SNTG1: variants seen among roughly 807,000 people sequenced by gnomAD.
SNTG1 encodes gamma-1-syntrophin.
Under a neutral mutation model 74.7 loss-of-function variants are expected in SNTG1, and 39 were observed. That is an observed-to-expected ratio of 0.52 (90% CI 0.40 to 0.68). The LOEUF is 0.68. SNTG1 is among the 30% of genes least tolerant of loss of function. The pLI, the probability that SNTG1 is intolerant of heterozygous loss-of-function variation, is 0.00. For missense variants in SNTG1, 685 were observed against 609.5 expected (o/e 1.12, Z -1.30); for synonymous variants, 254 against 217.1 (o/e 1.17, Z -1.49).
At chr8:50,376,744 TATATATATATATAGAG>T (rs1399353438) in intron 2 of SNTG1, among the ~76,000 whole-genome samples, 1 of 112,910 alleles carries the variant, frequency 8.9e-6, no homozygotes, top group Non-Finnish European at 1.9e-5. Context: ...TATATATATA[TATATATATATATAGAG>T]AGAGAGAGAG....
At chr8:50,244,890 A>G (rs1197493105) in intron 2 of SNTG1, among the ~76,000 whole-genome samples, 1 of 152,226 alleles carries the variant, frequency 6.6e-6, no homozygotes, top group Non-Finnish European at 1.5e-5. Flanking sequence ...AAGAGAGAAA[A>G]GGATAGATAG....
At chr8:50,193,839 T>C (rs2083666610) in intron 2 of SNTG1, among the ~76,000 whole-genome samples, 1 of 152,126 alleles carries the variant, frequency 6.6e-6, no homozygotes, top group South Asian at 2.1e-4. Context: ...CCTTAAGGTA[T>C]GTCCCTTGTA....
At chr8:50,140,054 C>T (rs182395309) in intron 1 of SNTG1, among the ~76,000 whole-genome samples, 2 of 152,236 alleles carry the variant, frequency 1.3e-5, no homozygotes, top group African/African-American at 2.4e-5. Context: ...TAAATGGCCG[C>T]GAAACTTGCA....
intron 10 of SNTG1, among the ~76,000 whole-genome samples, 159 bp from the exon 11 acceptor site, chr8:50,536,519 C>G (rs2094308247): frequency 6.6e-6 from 1 of 152,176 alleles, no homozygotes; most frequent in Non-Finnish European, 1.5e-5. Context: ...ACCAATACAA[C>G]TTTAGTGTCC....
At chr8:50,763,326 G>C (rs1184704053) in intron 18 of SNTG1, among the ~76,000 whole-genome samples, 1 of 151,884 alleles carries the variant, frequency 6.6e-6, no homozygotes, top group Non-Finnish European at 1.5e-5. Flanking sequence ...ATTTTAGAAA[G>C]GGGGTGTTTA....
intron 2 of SNTG1, among the ~76,000 whole-genome samples, chr8:50,246,968 T>C (rs2086429630): frequency 6.6e-6 from 1 of 152,194 alleles, no homozygotes; most frequent in African/African-American, 2.4e-5. Flanking sequence ...TGTTAAAGAT[T>C]TCCATTGAAA....
chr8:50,671,981 G>A (rs2095285611), intron 15 of SNTG1, among the ~76,000 whole-genome samples: 1 of 145,560 alleles, frequency 6.9e-6, no homozygotes, highest in African/African-American at 2.6e-5. Flanking sequence ...ACTCACAGAT[G>A]GGAATTGAAC....
At chr8:50,665,618 G>A (rs956841675) in intron 15 of SNTG1, among the ~76,000 whole-genome samples, 13 of 152,034 alleles carry the variant, frequency 8.6e-5, no homozygotes, top group Admixed American at 4.6e-4. Flanking sequence ...TCAAAGATGA[G>A]GCTAAGTCAT....
chr8:50,398,053 G>A (rs2092750640), intron 3 of SNTG1, among the ~76,000 whole-genome samples: 1 of 152,182 alleles, frequency 6.6e-6, no homozygotes, highest in African/African-American at 2.4e-5. Context: ...GCCCTGAAAT[G>A]GAGTTTATCC....
chr8:50,388,729 T>C (rs531602391), intron 2 of SNTG1, among the ~76,000 whole-genome samples: 1 of 152,334 alleles, frequency 6.6e-6, no homozygotes, highest in South Asian at 2.1e-4. Flanking sequence ...TCTGAGGCTG[T>C]TCAACTTATT....
At chr8:49,971,848 G>A (rs1811712335) in intron 1 of SNTG1, among the ~76,000 whole-genome samples, 1 of 152,150 alleles carries the variant, frequency 6.6e-6, no homozygotes, top group South Asian at 2.1e-4. Flanking sequence ...ACAAACCACT[G>A]CTCAAGGAAA....
intron 2 of SNTG1, among the ~76,000 whole-genome samples, chr8:50,243,672 T>G (rs916218601): frequency 6.9e-6 from 1 of 144,352 alleles, no homozygotes; most frequent in African/African-American, 2.7e-5. Context: ...GGGCCAGGTC[T>G]CAGGGTAATT....
At chr8:50,671,446 C>G (rs1032374230) in intron 15 of SNTG1, among the ~76,000 whole-genome samples, 3 of 151,210 alleles carry the variant, frequency 2.0e-5, no homozygotes, top group African/African-American at 4.9e-5. Flanking sequence ...TAAAAAAATG[C>G]TCATCATCAC....
chr8:49,919,370 G>A (rs541629708), intron 1 of SNTG1, among the ~76,000 whole-genome samples: 19 of 152,148 alleles, frequency 1.2e-4, no homozygotes, highest in Middle Eastern at 3.4e-3. Flanking sequence ...GAACACAAAT[G>A]ACTAGCATAG....
chr8:50,081,165 T>A lies in SNTG1; in HGVS notation c.-102-91396T>A, dbSNP rs1007652249. The stretch of plus-strand genomic sequence containing the variant: ...TCTGTCAACTTGAATTCAGGGCTGC[T>A]AGCAACAGTTTTTTTCCAAAAATAT... On this transcript the variant is annotated intron_variant, in intron 1 of 18. Transcript: ENST00000642720. 3.9e-5 allele frequency among the ~76,000 whole-genome samples: 6 copies of A among 152,334 alleles called. No individual in the cohort carries two copies. The South Asian group carries it at 1.0e-3, about 26-fold the overall frequency.
chr8:50,169,220 C>T (rs562868600), intron 1 of SNTG1, among the ~76,000 whole-genome samples: 74 of 152,256 alleles, frequency 4.9e-4, no homozygotes, highest in Admixed American at 1.4e-3. Context: ...TAATTTATTT[C>T]ACAAAAAGAC....
chr8:50,073,631 T>C (rs1268853924), intron 1 of SNTG1, among the ~76,000 whole-genome samples: 4 of 152,216 alleles, frequency 2.6e-5, no homozygotes, highest in African/African-American at 4.8e-5. Flanking sequence ...CCTTAGAAAT[T>C]GTATTTTGGA....
At chr8:50,521,542 T>C (rs1487196324) in intron 9 of SNTG1, among the ~76,000 whole-genome samples, 2 of 152,192 alleles carry the variant, frequency 1.3e-5, no homozygotes, top group African/African-American at 4.8e-5. Flanking sequence ...AAGTTTGGAA[T>C]GGCTATGACA....
chr8:50,288,762 A>G (rs2088925610), intron 2 of SNTG1, among the ~76,000 whole-genome samples: 1 of 152,140 alleles, frequency 6.6e-6, no homozygotes, highest in South Asian at 2.1e-4. Flanking sequence ...TTGACATGTG[A>G]GGCTATTTTT....
Sources: allele counts gnomAD v4.1 joint callset (sites outside exome capture counted in the v4.1 genomes callset), GRCh38; gene constraint gnomAD v4.1.1; transcripts MANE v1.5; gene names NCBI Gene and HGNC (gene_info 2026-07-23, HGNC 2026-07-21).